The following CPLX4 variants were observed in gnomAD, a reference collection of about 807,000 sequenced individuals.
CPLX4 encodes complexin 4.
In CPLX4, 17 loss-of-function variants were observed where a neutral mutation model predicts 16.1. That is an observed-to-expected ratio of 1.06 (90% CI 0.72 to 1.59). CPLX4 has a LOEUF of 1.59. CPLX4 is among the 40% of genes most tolerant of loss of function. The pLI is 0.00. For missense variants in CPLX4, 193 were observed against 192.9 expected, an observed-to-expected ratio of 1.00 and a Z score of 0.00; for synonymous variants, 55 against 57.8, an observed-to-expected ratio of 0.95 and a Z score of 0.22.
intron 2 of CPLX4, among the ~76,000 whole-genome samples, chr18:59,297,281 T>C (rs1402529401): frequency 6.6e-6 from 1 of 150,912 alleles, no homozygotes; most frequent in Non-Finnish European, 1.5e-5. Context: ...ATCTGGAATT[T>C]TTTTTTTTTT....
At chr18:59,297,729 C>A (rs2070511588) in intron 2 of CPLX4, among the ~76,000 whole-genome samples, 1 of 152,228 alleles carries the variant, frequency 6.6e-6, no homozygotes, top group Non-Finnish European at 1.5e-5. Context: ...TGGTTGACCC[C>A]ACTGTAGAGG....
Position 59,295,649 on chromosome 18 carries a change from T to C in CPLX4, c.*1049A>G, listed in dbSNP as rs1281586757. On this transcript the variant is annotated 3_prime_UTR_variant, in exon 3 of 3. Coordinates refer to ENST00000299721, the MANE Select transcript of CPLX4 (RefSeq NM_181654.4). ...GCTCGAAGTGTTTCAGTGGTAATTG[T>C]CCTAAGTCTTTTGAATTATTCCTTT... is the stretch of plus-strand genomic sequence containing the variant. 1 of 152,106 alleles carries C rather than the reference T, an allele frequency of 6.6e-6. No individual in the cohort carries two copies. The highest frequency in any genetic ancestry group is 1.5e-5 in the Non-Finnish European group (1 of 68,022). The allele number at this position is 152,106 out of a possible 1,614,324, so 9.4% of individuals were successfully genotyped here. A position where few individuals can be genotyped will look rare whatever the true frequency, so the allele number is the denominator to read the frequency against.
intron 1 of CPLX4, among the ~76,000 whole-genome samples, chr18:59,315,217 T>G (rs1603392329): frequency 6.6e-6 from 1 of 152,212 alleles, no homozygotes; most frequent in East Asian, 1.9e-4. Flanking sequence ...GCCATACTGG[T>G]GTTTATGGAG....
chr18:59,314,267 T>G (rs1004439732), intron 1 of CPLX4, among the ~76,000 whole-genome samples: 1 of 152,142 alleles, frequency 6.6e-6, no homozygotes, highest in African/African-American at 2.4e-5. Flanking sequence ...TGTTTTACTG[T>G]AAAAACTTCC....
In CPLX4 at chr18:59,314,028, C is replaced by T. The variant is rs191004533; in HGVS notation, c.168-1256G>A. 2.6e-5 allele frequency among the ~76,000 whole-genome samples: 4 copies of T among 152,242 alleles called. No homozygotes were observed. The East Asian group carries it at 5.8e-4, about 22-fold the overall frequency. On this transcript the variant is annotated intron_variant, in intron 1 of 2. Coordinates refer to ENST00000299721, the MANE Select transcript of CPLX4 (RefSeq NM_181654.4). Reference sequence around the variant, plus strand: ...TAATCTTAACCATTATACAAAAAAACTGAGTGTTAAGGAAGGAGCTGCAGC... The same window carrying T: ...TAATCTTAACCATTATACAAAAAAATTGAGTGTTAAGGAAGGAGCTGCAGC...
At chr18:59,306,731 A>C (rs2070579004) in intron 2 of CPLX4, among the ~76,000 whole-genome samples, 1 of 152,218 alleles carries the variant, frequency 6.6e-6, no homozygotes, top group South Asian at 2.1e-4. Context: ...GCTCCCGGGA[A>C]GACATTTTCT....
At position 59,314,349 on chromosome 18, in the gene CPLX4, C is replaced by CT. The variant is rs35048382; in HGVS notation, c.168-1578dup. On this transcript the variant is annotated intron_variant, in intron 1 of 2. Transcript: ENST00000299721. The stretch of plus-strand genomic sequence containing the variant: ...ATTCTACAATTGGCATCTCACTGTA[C>CT]TTTTTTTTTTATCACACCTATTCCT... Among the ~76,000 whole-genome samples the CT allele has an allele frequency of 5.2e-3, 783 of 149,834 alleles. 1 individual carries two copies. The highest frequency in any genetic ancestry group is 0.012 in the African/African-American group (489 of 41,016).
chr18:59,307,426 C>T (rs935007779), intron 2 of CPLX4, among the ~76,000 whole-genome samples: 1 of 152,188 alleles, frequency 6.6e-6, no homozygotes, highest in Non-Finnish European at 1.5e-5. Context: ...TGGCATGTTC[C>T]TCAGATGACC....
intron 2 of CPLX4, among the ~76,000 whole-genome samples, chr18:59,299,439 T>C (rs887723547): frequency 1.9e-4 from 29 of 152,146 alleles, no homozygotes; most frequent in African/African-American, 6.8e-4. Context: ...GTAACTGCTG[T>C]GGGCTTGCAG....
intron 2 of CPLX4, among the ~76,000 whole-genome samples, chr18:59,307,806 C>T (rs2070587407): frequency 6.9e-6 from 1 of 144,964 alleles, no homozygotes; most frequent in East Asian, 2.1e-4. Flanking sequence ...GGCTGGAGTG[C>T]AGTGGCCCAA....
At chr18:59,309,696 G>T (rs1020411314) in intron 2 of CPLX4, among the ~76,000 whole-genome samples, 3 of 151,794 alleles carry the variant, frequency 2.0e-5, no homozygotes, top group Non-Finnish European at 4.4e-5. Context: ...GGTGGTGGGC[G>T]CCTGTAGTCC....
rs56041280 is a variant in CPLX4, at chr18:59,304,924, AGTGTGTGTGTGTGT to A, written c.255+7747_255+7760del. On this transcript the variant is annotated intron_variant, in intron 2 of 2. Coordinates refer to ENST00000299721, the MANE Select transcript of CPLX4 (RefSeq NM_181654.4). ...AATAACATCCATTTACTCAACAATC[AGTGTGTGTGTGTGT>A]GTGTGTGTGTGTGTGTGTGTGTGTG... is the stretch of plus-strand genomic sequence containing the variant. 5.7e-3 allele frequency among the ~76,000 whole-genome samples: 805 copies of A among 142,236 alleles called. 6 individuals are homozygous for A. The highest frequency in any genetic ancestry group is 0.056 in the East Asian group (274 of 4,854). The allele number at this position is 142,236 out of a possible 152,430, so 93.3% of individuals were successfully genotyped here.
chr18:59,307,435 C>A (rs1568105859), intron 2 of CPLX4, among the ~76,000 whole-genome samples: 1 of 152,162 alleles, frequency 6.6e-6, no homozygotes, highest in Non-Finnish European at 1.5e-5. Flanking sequence ...CCTCAGATGA[C>A]CTTGGAAGCC....
rs56412366 is a variant in CPLX4 at position 59,308,464 on chromosome 18, C to CT, written c.255+4220dup. The stretch of plus-strand genomic sequence containing the variant: ...GGTCCTTAATAACAAAATAGTAAGG[C>CT]TTTTTTTTTTTCCTTTTCTTTCTTT... On this transcript the variant is annotated intron_variant, in intron 2 of 2. Transcript: ENST00000299721. 8.8e-3 allele frequency among the ~76,000 whole-genome samples: 1,264 copies of CT among 143,720 alleles called. 15 individuals are homozygous for CT. The highest frequency in any genetic ancestry group is 0.029 in the African/African-American group (1,141 of 38,830). The allele number at this position is 143,720 out of a possible 152,430, so 94.3% of individuals were successfully genotyped here.
intron 2 of CPLX4, among the ~76,000 whole-genome samples, chr18:59,306,006 C>T (rs956155610): frequency 3.3e-5 from 5 of 152,000 alleles, no homozygotes; most frequent in Admixed American, 2.0e-4. Flanking sequence ...CAAAGAGGCC[C>T]CAAGAGAAAT....
At chr18:59,315,353 A>G (rs1420645945) in intron 1 of CPLX4, among the ~76,000 whole-genome samples, 1 of 152,162 alleles carries the variant, frequency 6.6e-6, no homozygotes, top group Non-Finnish European at 1.5e-5. Context: ...TTTCTGAAGT[A>G]TTTCTTCAAA....
chr18:59,304,852 G>A (rs1420254782), intron 2 of CPLX4, among the ~76,000 whole-genome samples: 2 of 152,256 alleles, frequency 1.3e-5, no homozygotes, highest in Non-Finnish European at 2.9e-5. Flanking sequence ...TTACAGGGGT[G>A]AGCCACTGCG....
rs551007494 is a variant in CPLX4 at position 59,295,510 on chromosome 18, C to T, written c.*1188G>A. ...TAGAACAACTTAGACCCTAAGTTTT[C>T]GGTCTCAGTTTCCTTTTCCTTTGAT... On this transcript the variant is annotated 3_prime_UTR_variant, in exon 3 of 3. Transcript: ENST00000299721. 34 of 150,438 alleles carry T rather than the reference C, an allele frequency of 2.3e-4. No individual in the cohort carries two copies. The highest frequency in any genetic ancestry group is 7.8e-4 in the African/African-American group (32 of 40,918). The allele number at this position is 150,438 out of a possible 1,614,324, so 9.3% of individuals were successfully genotyped here.
At chr18:59,303,170 C>T (rs1168294049) in intron 2 of CPLX4, among the ~76,000 whole-genome samples, 1 of 152,198 alleles carries the variant, frequency 6.6e-6, no homozygotes. Context: ...GCTGGCTGCT[C>T]CTTCTGCTGT....
Sources: allele counts gnomAD v4.1 joint callset (sites outside exome capture counted in the v4.1 genomes callset), GRCh38; gene constraint gnomAD v4.1.1; transcripts MANE v1.5; gene names NCBI Gene and HGNC (gene_info 2026-07-23, HGNC 2026-07-21).